DPP10: variants seen among roughly 807,000 people sequenced by gnomAD.
The protein encoded by DPP10 is dipeptidyl peptidase like 10, also known as inactive dipeptidyl peptidase 10.
In DPP10, 33 loss-of-function variants were observed where a neutral mutation model predicts 120.9. The observed-to-expected ratio is 0.27, with a 90% CI of 0.21 to 0.37. DPP10 has a LOEUF of 0.37. DPP10 is among the 10% of genes least tolerant of loss of function. The pLI is 1.00. For missense variants in DPP10, 816 were observed against 942.8 expected (o/e 0.87, Z 1.76); for synonymous variants, 337 against 326.1 (o/e 1.03, Z -0.36).
At chr2:115,427,307 A>T (rs2070569360) in intron 3 of DPP10, among the ~76,000 whole-genome samples, 1 of 152,180 alleles carries the variant, frequency 6.6e-6, no homozygotes. Flanking sequence ...ATTTCCCCAT[A>T]GCACTACCCT....
intron 8 of DPP10, among the ~76,000 whole-genome samples, chr2:115,732,809 A>G (rs1474965935): frequency 1.3e-5 from 2 of 152,128 alleles, no homozygotes; most frequent in Non-Finnish European, 2.9e-5. Context: ...TATTTAAGGG[A>G]TTATTCCTTA....
chr2:115,211,124 A>C (rs1446851856), intron 1 of DPP10, among the ~76,000 whole-genome samples: 1 of 152,076 alleles, frequency 6.6e-6, no homozygotes, highest in African/African-American at 2.4e-5. Flanking sequence ...CTCCCTGTGA[A>C]GTTTTGCTAA....
At chr2:115,628,172 A>C (rs2085521918) in intron 5 of DPP10, among the ~76,000 whole-genome samples, 3 of 152,114 alleles carry the variant, frequency 2.0e-5, no homozygotes, top group Admixed American at 2.0e-4. Context: ...CCACAGCTTC[A>C]CCAGCTCTGT....
At chr2:115,774,365 T>G (rs1681842893) in intron 13 of DPP10, among the ~76,000 whole-genome samples, 1 of 152,118 alleles carries the variant, frequency 6.6e-6, no homozygotes, top group Non-Finnish European at 1.5e-5. Context: ...GATTATTTTA[T>G]CTTGAAATTG....
chr2:114,928,406 T>C (rs1338725284), intron 1 of DPP10, among the ~76,000 whole-genome samples: 2 of 152,148 alleles, frequency 1.3e-5, no homozygotes, highest in African/African-American at 4.8e-5. Context: ...TGAAAATCAG[T>C]AGGGCTGACA....
chr2:115,585,623 C>A (rs1319838), intron 5 of DPP10, among the ~76,000 whole-genome samples: 150,118 of 152,318 alleles, frequency 0.99, 74,015 homozygotes, highest in East Asian at 1. Context: ...ACCATACAGT[C>A]AAGTAGCTTG....
chr2:114,975,750 A>C (rs558187809), intron 1 of DPP10, among the ~76,000 whole-genome samples: 1 of 152,116 alleles, frequency 6.6e-6, no homozygotes, highest in Non-Finnish European at 1.5e-5. Context: ...TCCTGGGTTC[A>C]AGCAATTCTC....
At chr2:115,036,938 G>T (rs1704264340) in intron 1 of DPP10, among the ~76,000 whole-genome samples, 1 of 152,066 alleles carries the variant, frequency 6.6e-6, no homozygotes, top group African/African-American at 2.4e-5. Context: ...CAGGCCTCAG[G>T]ATCAAACTAG....
chr2:115,072,651 T>A (rs954808964), intron 1 of DPP10, among the ~76,000 whole-genome samples: 2 of 152,156 alleles, frequency 1.3e-5, no homozygotes, highest in African/African-American at 4.8e-5. Context: ...TAAATAAGTT[T>A]AAGAGTAGCA....
intron 3 of DPP10, among the ~76,000 whole-genome samples, chr2:115,440,096 A>G (rs761130329): frequency 2.6e-4 from 40 of 152,104 alleles, no homozygotes; most frequent in Middle Eastern, 3.4e-3. Context: ...TATGATGCCT[A>G]TGAGAAAAAC....
intron 1 of DPP10, chr2:115,161,871 G>T (rs1394507850): frequency 2.3e-6 from 3 of 1,284,140 alleles, no homozygotes; most frequent in African/African-American, 3.2e-5. Context: ...AGCGACGGGC[G>T]CCCGTGACCT....
chr2:115,069,171 T>A (rs1032914152), intron 1 of DPP10, among the ~76,000 whole-genome samples: 1 of 152,122 alleles, frequency 6.6e-6, no homozygotes, highest in African/African-American at 2.4e-5. Context: ...TCTTCCAATA[T>A]ATAAACATAG....
intron 3 of DPP10, among the ~76,000 whole-genome samples, chr2:115,386,885 AC>A (rs1444099267): frequency 6.6e-6 from 1 of 151,868 alleles, no homozygotes; most frequent in Non-Finnish European, 1.5e-5. Context: ...TTTGTTCATT[AC>A]TTTTTAAGTA....
In DPP10 at chr2:114,598,119, TG is replaced by T. The variant is rs530831224; in HGVS notation, c.60+155282del. On this transcript the variant is annotated intron_variant, in intron 1 of 25. Transcript: ENST00000410059. ...AAACAGCACAAGCAATGGCATAATATGAAAAGGGTGGCAGGAAAGCACATAA... is the reference window on the plus strand; with the variant it reads ...AAACAGCACAAGCAATGGCATAATATAAAAGGGTGGCAGGAAAGCACATAA... Among the ~76,000 whole-genome samples, 554 of 151,924 alleles carry T rather than the reference TG, an allele frequency of 3.6e-3. 2 individuals are homozygous for T. Among genetic ancestry groups the T allele is most frequent in the African/African-American group, 0.013 (522 of 41,494 alleles).
chr2:114,461,628 C>T, intron 1 of DPP10: 1 of 985,372 alleles, frequency 1.0e-6, no homozygotes, highest in Non-Finnish European at 1.2e-6. Context: ...TTAAGAAAGA[C>T]AGGGTAATAT....
At chr2:115,163,357 T>G (rs1225110540) in intron 1 of DPP10, among the ~76,000 whole-genome samples, 2 of 152,152 alleles carry the variant, frequency 1.3e-5, no homozygotes, top group Admixed American at 6.5e-5. Flanking sequence ...CTCTTTTCTC[T>G]CACATGTGTT....
intron 1 of DPP10, among the ~76,000 whole-genome samples, chr2:114,557,309 T>C (rs959038075): frequency 6.6e-6 from 1 of 152,168 alleles, no homozygotes; most frequent in Non-Finnish European, 1.5e-5. Context: ...AGGGAAAATG[T>C]GGCTTTCCTG....
intron 1 of DPP10, among the ~76,000 whole-genome samples, chr2:115,147,852 A>T (rs973008940): frequency 6.6e-6 from 1 of 152,116 alleles, no homozygotes; most frequent in African/African-American, 2.4e-5. Flanking sequence ...TTTGGAGTGG[A>T]TGTCCTCAGG....
At chr2:114,999,980 T>C (rs1447354430) in intron 1 of DPP10, among the ~76,000 whole-genome samples, 1 of 151,472 alleles carries the variant, frequency 6.6e-6, no homozygotes, top group African/African-American at 2.4e-5. Flanking sequence ...CACATGCATG[T>C]GTATAAACCC....
Sources: allele counts gnomAD v4.1 joint callset (sites outside exome capture counted in the v4.1 genomes callset), GRCh38; gene constraint gnomAD v4.1.1; transcripts MANE v1.5; gene names NCBI Gene and HGNC (gene_info 2026-07-23, HGNC 2026-07-21).